Variants in CNTN3 observed in about 807,000 individuals in gnomAD.
The protein encoded by CNTN3 is contactin-3.
In CNTN3, 60 loss-of-function variants were observed where a neutral mutation model predicts 119.1. The ratio of observed to expected loss-of-function variants is 0.50; its 90% CI spans 0.41 to 0.62. The LOEUF (loss-of-function observed/expected upper bound fraction) is 0.62. CNTN3 is among the 20% of genes least tolerant of loss of function. CNTN3 has a pLI of 0.00. For synonymous variants in CNTN3, 450 were observed against 438.7 expected (o/e 1.03, Z -0.32); for missense variants, 1,101 against 1,242.4 (o/e 0.89, Z 1.71).
chr3:74,453,021 C>T (rs571010394), intron 4 of CNTN3, among the ~76,000 whole-genome samples: 19 of 151,722 alleles, frequency 1.3e-4, no homozygotes, highest in Non-Finnish European at 2.2e-4. Context: ...CAGGATGATG[C>T]TAGCCTCATA....
In CNTN3 at chr3:74,319,246, C is replaced by T. The variant is rs568959935; in HGVS notation, c.1668+15489G>A. Among the ~76,000 whole-genome samples, 31 of 152,250 alleles carry T rather than the reference C, an allele frequency of 2.0e-4. No homozygotes were observed. The East Asian group carries it at 3.7e-3, about 18-fold the overall frequency. On this transcript the variant is annotated intron_variant, in intron 13 of 22. Coordinates refer to ENST00000263665, the MANE Select transcript of CNTN3 (RefSeq NM_020872.3). ...CAAAAGAACAAAGCCAGAGGCATCA[C>T]GCTACCTGACTTCAAACTATACTAC...
chr3:74,462,344 C>G (rs1264174132), intron 4 of CNTN3, among the ~76,000 whole-genome samples: 1 of 151,918 alleles, frequency 6.6e-6, no homozygotes, highest in Non-Finnish European at 1.5e-5. Flanking sequence ...CATAGAAGAC[C>G]TAATGTCATT....
intron 22 of CNTN3, among the ~76,000 whole-genome samples, chr3:74,265,691 C>A (rs1252603565): frequency 6.6e-6 from 1 of 152,038 alleles, no homozygotes; most frequent in Non-Finnish European, 1.5e-5. Context: ...CTAATGTCTG[C>A]CATTTTGTTT....
chr3:74,365,670 C>T lies in CNTN3; in HGVS notation c.979G>A (p.Val327Met), dbSNP rs772011682. Residue 327 changes from valine (V) to methionine (M), a missense_variant, in exon 9 of 23, where the codon GTG becomes ATG. Val to Met is a conservative substitution (Grantham distance 21). Coordinates refer to ENST00000263665, the MANE Select transcript of CNTN3 (RefSeq NM_020872.3). ...KPHWVQLIKD[V>M]EIAVEDSLYW... Reference sequence around the variant, plus strand: ...AGACTGTCCTCCACGGCTATTTCCACATCCTTTATGAGTTGAACCCAATGG... The same window carrying T: ...AGACTGTCCTCCACGGCTATTTCCATATCCTTTATGAGTTGAACCCAATGG... 6.2e-7 allele frequency: 1 copy of T among 1,613,386 alleles called. No homozygotes were observed. The highest frequency in any genetic ancestry group is 8.5e-7 in the Non-Finnish European group (1 of 1,179,506).
intron 13 of CNTN3, among the ~76,000 whole-genome samples, chr3:74,313,319 A>G (rs1026977453): frequency 3.3e-5 from 5 of 152,210 alleles, no homozygotes; most frequent in Non-Finnish European, 1.5e-5. Context: ...TCACAGATCT[A>G]GGGAGCACAG....
intron 5 of CNTN3, among the ~76,000 whole-genome samples, chr3:74,422,014 T>A (rs781090332): frequency 6.6e-6 from 1 of 152,210 alleles, no homozygotes. Flanking sequence ...TCAAAAAGCA[T>A]GTATAACTGG....
intron 1 of CNTN3, among the ~76,000 whole-genome samples, chr3:74,578,800 T>C (rs1419075870): frequency 1.3e-5 from 2 of 152,076 alleles, no homozygotes; most frequent in East Asian, 3.9e-4. Context: ...TCACTTTCAT[T>C]AGTGAATTAA....
chr3:74,441,331 T>C (rs1003375785), intron 4 of CNTN3, among the ~76,000 whole-genome samples: 4 of 152,130 alleles, frequency 2.6e-5, no homozygotes, highest in Non-Finnish European at 5.9e-5. Flanking sequence ...CATGGAAACA[T>C]CGCTATCAGT....
chr3:74,455,285 T>G (rs1702246648), intron 4 of CNTN3, among the ~76,000 whole-genome samples: 1 of 152,132 alleles, frequency 6.6e-6, no homozygotes, highest in African/African-American at 2.4e-5. Context: ...TTTCTTCCAG[T>G]TGATCGCATC....
At chr3:74,539,615 C>A (rs543963047) in intron 1 of CNTN3, among the ~76,000 whole-genome samples, 60 of 152,144 alleles carry the variant, frequency 3.9e-4, no homozygotes, top group African/African-American at 1.4e-3. Context: ...CGTCATCATC[C>A]AGGCAGTCCC....
intron 1 of CNTN3, among the ~76,000 whole-genome samples, chr3:74,614,169 T>G (rs929802493): frequency 9.9e-5 from 15 of 152,208 alleles, no homozygotes; most frequent in African/African-American, 3.4e-4. Context: ...GGATGCAGCC[T>G]TCCCAACCCG....
chr3:74,356,336 G>C (rs1485730300), intron 11 of CNTN3, among the ~76,000 whole-genome samples: 1 of 152,004 alleles, frequency 6.6e-6, no homozygotes, highest in African/African-American at 2.4e-5. Flanking sequence ...ACTGGCCTCT[G>C]TACCTTTGCA....
intron 2 of CNTN3, among the ~76,000 whole-genome samples, chr3:74,517,552 T>A (rs1428132698): frequency 6.6e-6 from 1 of 151,886 alleles, no homozygotes; most frequent in East Asian, 1.9e-4. Context: ...CGGACCTCAA[T>A]GTATTTTCTT....
chr3:74,330,382 C>T (rs899741190), intron 13 of CNTN3, among the ~76,000 whole-genome samples: 4 of 151,596 alleles, frequency 2.6e-5, no homozygotes. Flanking sequence ...TTTCTATTGA[C>T]TAGTGACACT....
At chr3:74,450,802 G>C (rs1301548342) in intron 4 of CNTN3, among the ~76,000 whole-genome samples, 1 of 151,518 alleles carries the variant, frequency 6.6e-6, no homozygotes, top group Non-Finnish European at 1.5e-5. Context: ...TGAGAATGAC[G>C]ATTCCCAATT....
chr3:74,524,954 C>T (rs1189252684), intron 1 of CNTN3, among the ~76,000 whole-genome samples: 1 of 151,772 alleles, frequency 6.6e-6, no homozygotes, highest in African/African-American at 2.4e-5. Flanking sequence ...TGGCAAAGCT[C>T]AGCGTGGTAT....
At chr3:74,437,791 T>C (rs1701896008) in intron 4 of CNTN3, among the ~76,000 whole-genome samples, 1 of 152,150 alleles carries the variant, frequency 6.6e-6, no homozygotes. Context: ...ATGAATCACA[T>C]TCTTTGTTTT....
intron 13 of CNTN3, among the ~76,000 whole-genome samples, chr3:74,317,744 G>C (rs1158516672): frequency 6.6e-6 from 1 of 152,110 alleles, no homozygotes; most frequent in African/African-American, 2.4e-5. Context: ...TGGGTAACCC[G>C]ACCTTTCTCT....
At chr3:74,531,421 A>T (rs1305886662) in intron 1 of CNTN3, among the ~76,000 whole-genome samples, 1 of 151,994 alleles carries the variant, frequency 6.6e-6, no homozygotes, top group Non-Finnish European at 1.5e-5. Context: ...AAGTACAACC[A>T]ACAATTAGAA....
Sources: gnomAD v4.1 joint callset for allele counts (sites outside exome capture counted in the v4.1 genomes callset) on GRCh38, gnomAD v4.1.1 for gene constraint, MANE v1.5 for transcripts, NCBI Gene and HGNC (gene_info 2026-07-23, HGNC 2026-07-21) for gene names.